Variants in TRAPPC2B observed in about 807,000 individuals in gnomAD.
TRAPPC2B encodes MBP-1 interacting protein-2A.
TRAPPC2B carries 5 observed loss-of-function variants against 8.4 expected under a neutral mutation model. The observed-to-expected ratio is 0.59, with a 90% CI of 0.31 to 1.25. TRAPPC2B has a LOEUF of 1.25. Ranked by LOEUF, TRAPPC2B falls within the 50% of genes most tolerant of loss-of-function variation. The pLI, the probability that TRAPPC2B is intolerant of heterozygous loss-of-function variation, is 0.06. For missense variants in TRAPPC2B, 161 were observed against 173.2 expected, an observed-to-expected ratio of 0.93 and a Z score of 0.40; for synonymous variants, 46 against 58.1, an observed-to-expected ratio of 0.79 and a Z score of 0.95.
rs754866724 is a variant in TRAPPC2B, at chr19:57,364,988, A to G, written c.155A>G (p.Asn52Ser). Residue 52 changes from asparagine to serine, a missense_variant, in exon 2 of 2, where the codon AAC becomes AGC. Physicochemically the swap from Asn to Ser is conservative, Grantham distance 46 (BLOSUM62 1). Coordinates refer to ENST00000543226, the MANE Select transcript of TRAPPC2B (RefSeq NM_001355204.2). The stretch of plus-strand genomic sequence containing the variant: ...GCTGCTCTCGACCTCGTAGATGAGA[A>G]CATGTGGCTGTCGAACAACATGTAC... ...AHAALDLVDE[N>S]MWLSNNMYLK... 2 of 1,613,058 alleles carry G rather than the reference A, an allele frequency of 1.2e-6. No individual in the cohort carries two copies. Among genetic ancestry groups the G allele is most frequent in the Non-Finnish European group, 1.7e-6 (2 of 1,179,162 alleles).
Position 57,365,093 on chromosome 19 carries a change from A to G in TRAPPC2B, c.260A>G (p.His87Arg), listed in dbSNP as rs756861103. 4.4e-6 allele frequency: 7 copies of G among 1,609,172 alleles called. No individual in the cohort carries two copies. The highest frequency in any genetic ancestry group is 3.4e-6 in the Non-Finnish European group (4 of 1,175,978). ...GGGCATATGAGGTTTATTATGCTTC[A>G]TGACATAAGACAAGAAGATGGAATA... ...TAGHMRFIML[H>R]DIRQEDGIKN... Residue 87 changes from histidine to arginine, a missense_variant, in exon 2 of 2, where the codon CAT becomes CGT. Physicochemically the swap from His to Arg is conservative, Grantham distance 29. Transcript: ENST00000543226.
At position 57,365,341 on chromosome 19, in the gene TRAPPC2B, C is replaced by G. The variant is rs1399334495; in HGVS notation, c.*85C>G. The G allele has an allele frequency of 2.1e-6, 2 of 949,162 alleles. No individual in the cohort carries two copies. The highest frequency in any genetic ancestry group is 3.2e-6 in the Non-Finnish European group (2 of 624,038). 58.8% of individuals were successfully genotyped at this position (949,162 alleles called of 1,614,324 possible). A position where few individuals can be genotyped will look rare whatever the true frequency, so the allele number is the denominator to read the frequency against. ...CATTGTAAATTACTTGATTAAATAG[C>G]CTGGAAATCTTTTGTGTATTCTCAG... On this transcript the variant is annotated 3_prime_UTR_variant, in exon 2 of 2. Transcript: ENST00000543226.
rs2088436851 is a variant in TRAPPC2B, at chr19:57,363,595, A to C, written c.-128A>C. ...ACACAGGCACAACTGACAGTGGCAG[A>C]AGCTCAGCTGACAAGGACTGGGGAC... On this transcript the variant is annotated 5_prime_UTR_variant, in exon 1 of 2. Coordinates refer to ENST00000543226, the MANE Select transcript of TRAPPC2B (RefSeq NM_001355204.2). 1 of 153,002 alleles carries C rather than the reference A, an allele frequency of 6.5e-6. No individual in the cohort carries two copies. The highest frequency in any genetic ancestry group is 1.8e-4 in the South Asian group (1 of 5,560). The allele number at this position is 153,002 out of a possible 1,614,324, so 9.5% of individuals were successfully genotyped here.
chr19:57,364,467 G>GTATCATTAAAAAA, intron 1 of TRAPPC2B: 21 of 259,554 alleles, frequency 8.1e-5, no homozygotes, highest in South Asian at 3.0e-4. Context: ...GGGTGGCCGG[G>GTATCATTAAAAAA]CGTGGTGGCT....
rs188847121 is a variant in TRAPPC2B, at chr19:57,364,971, C to T, written c.138C>T (p.Leu46=). The change falls in exon 2 of 2, where the codon CTC becomes CTT. Residue 46 remains leucine (L), a synonymous_variant. Transcript: ENST00000543226. ...HLNQFIAHAA[L]DLVDENMWLS... ...ACCAGTTCATAGCTCATGCTGCTCT[C>T]GACCTCGTAGATGAGAACATGTGGC... 55 of 1,612,956 alleles carry T rather than the reference C, an allele frequency of 3.4e-5. No homozygotes were observed. In the Admixed American group the frequency reaches 6.0e-4, roughly 18 times the overall value.
rs753598724 is a variant in TRAPPC2B at position 57,364,906 on chromosome 19, G to C, written c.73G>C (p.Ala25Pro). Residue 25 changes from alanine (A) to proline (P), a missense_variant, in exon 2 of 2, where the codon GCT (alanine) becomes CCT (proline). Coordinates refer to ENST00000543226, the MANE Select transcript of TRAPPC2B (RefSeq NM_001355204.2). ...AGTTTTTGAAATGGAGTTTTTGCCA[G>C]CTGGGAAGGCAGAATCCAAAGACGA... Reference protein sequence around the residue: ...NPVFEMEFLPAGKAESKDDHR... With the variant: ...NPVFEMEFLPPGKAESKDDHR... 1.9e-6 allele frequency: 3 copies of C among 1,612,444 alleles called. No individual in the cohort carries two copies. In the African/African-American group the frequency reaches 4.0e-5, roughly 22 times the overall value.
In TRAPPC2B at chr19:57,365,021, C is replaced by T. The variant is rs2088455148; in HGVS notation, c.188C>T (p.Thr63Ile). The change falls in exon 2 of 2, where the codon ACT becomes ATT. Residue 63 changes from threonine (T) to isoleucine (I), a missense_variant. Coordinates refer to ENST00000543226, the MANE Select transcript of TRAPPC2B (RefSeq NM_001355204.2). Reference sequence around the variant, plus strand: ...CTGTCGAACAACATGTACTTGAAAACTGTGGACAAGTTCAACGAGTGGTTT... The same window carrying T: ...CTGTCGAACAACATGTACTTGAAAATTGTGGACAAGTTCAACGAGTGGTTT... ...MWLSNNMYLKTVDKFNEWFVS... is the reference protein window; with the variant it reads ...MWLSNNMYLKIVDKFNEWFVS... The T allele has an allele frequency of 5.0e-6, 8 of 1,612,474 alleles. No individual in the cohort carries two copies. Among genetic ancestry groups the T allele is most frequent in the African/African-American group, 2.7e-5 (2 of 75,008 alleles).
At chr19:57,364,752 C>T in intron 1 of TRAPPC2B, 63 bp from the exon 2 acceptor site, 4 of 1,189,450 alleles carry the variant, frequency 3.4e-6, no homozygotes, top group South Asian at 1.3e-5. Flanking sequence ...AAAAAAGGTG[C>T]GGAGCGCGGG....
Position 57,365,370 on chromosome 19 carries a change from A to T in TRAPPC2B, c.*114A>T. 1 of 740,350 alleles carries T rather than the reference A, an allele frequency of 1.4e-6. No homozygotes were observed. The highest frequency in any genetic ancestry group is 2.9e-5 in the Admixed American group (1 of 34,718). The allele number at this position is 740,350 out of a possible 1,614,324, so 45.9% of individuals were successfully genotyped here. A position where few individuals can be genotyped will look rare whatever the true frequency, so the allele number is the denominator to read the frequency against. ...GAAATCTTTTGTGTATTCTCAGCTT[A>T]TCTAAACTTAATGAAATTTCTTTTA... On this transcript the variant is annotated 3_prime_UTR_variant, in exon 2 of 2. Coordinates refer to ENST00000543226, the MANE Select transcript of TRAPPC2B (RefSeq NM_001355204.2).
At position 57,364,817 on chromosome 19, in the gene TRAPPC2B, G is replaced by A. The variant is rs778395292; in HGVS notation, c.-17G>A. ...CCGTTGTCGGCCTCCCGCTGCAGGA[G>A]CCATATATTGAAGACCATGTCTGGA... On this transcript the variant is annotated splice_region_variant and 5_prime_UTR_variant, in exon 2 of 2. Transcript: ENST00000543226. The A allele has an allele frequency of 1.3e-6, 2 of 1,588,894 alleles. No homozygotes were observed. The highest frequency in any genetic ancestry group is 1.7e-6 in the Non-Finnish European group (2 of 1,162,744).
At chr19:57,364,159 A>T (rs1045008717) in intron 1 of TRAPPC2B, 1 of 153,554 alleles carries the variant, frequency 6.5e-6, no homozygotes, top group Non-Finnish European at 1.4e-5. Context: ...GGACAATGTG[A>T]TGGGATTCTG....
In TRAPPC2B at chr19:57,365,171, C is replaced by A. The variant is rs775281617; in HGVS notation, c.338C>A (p.Pro113Gln). ...TTATATATAAAATTTTCAATGAATC[C>A]ATTTTATGAACCCAATTCTCCTATT... ...YDLYIKFSMN[P>Q]FYEPNSPIRS... Residue 113 changes from proline (P) to glutamine (Q), a missense_variant, in exon 2 of 2, where the codon CCA (proline) becomes CAA (glutamine). Transcript: ENST00000543226. 1.7e-5 allele frequency: 27 copies of A among 1,593,720 alleles called. No individual in the cohort carries two copies. In the East Asian group the frequency reaches 3.4e-4, roughly 20 times the overall value.
chr19:57,365,102 G>A lies in TRAPPC2B; in HGVS notation c.269G>A (p.Arg90Lys). Residue 90 changes from arginine to lysine, a missense_variant, in exon 2 of 2, where the codon AGA (arginine) becomes AAA (lysine). Arg to Lys is a conservative substitution (Grantham distance 26). Coordinates refer to ENST00000543226, the MANE Select transcript of TRAPPC2B (RefSeq NM_001355204.2). ...HMRFIMLHDIRQEDGIKNFFT... is the reference protein window; with the variant it reads ...HMRFIMLHDIKQEDGIKNFFT... Reference sequence around the variant, plus strand: ...AGGTTTATTATGCTTCATGACATAAGACAAGAAGATGGAATAAAGAACTTC... The same window carrying A: ...AGGTTTATTATGCTTCATGACATAAAACAAGAAGATGGAATAAAGAACTTC... 1 of 1,609,254 alleles carries A rather than the reference G, an allele frequency of 6.2e-7. No homozygotes were observed. The highest frequency in any genetic ancestry group is 8.5e-7 in the Non-Finnish European group (1 of 1,176,268).
At position 57,365,043 on chromosome 19, in the gene TRAPPC2B, GT is replaced by G; in HGVS notation, c.213del (p.Phe71LeufsTer11). 1 of 1,611,976 alleles carries G rather than the reference GT, an allele frequency of 6.2e-7. No homozygotes were observed. On this transcript the variant is annotated frameshift_variant, in exon 2 of 2. Coordinates refer to ENST00000543226, the MANE Select transcript of TRAPPC2B (RefSeq NM_001355204.2). LOFTEE classifies it high-confidence loss of function. ...AAACTGTGGACAAGTTCAACGAGTG[GT>G]TTGTGTCAGCATTTGTCACCGCGGG... ...LKTVDKFNEW[F>X]VSAFVTAGHM... is the part of the protein sequence containing the mutation.
chr19:57,364,950 G>A lies in TRAPPC2B; in HGVS notation c.117G>A (p.Gln39=), dbSNP rs746189272. ...AAGACGACCATCGTCATCTGAACCA[G>A]TTCATAGCTCATGCTGCTCTCGACC... ...ESKDDHRHLN[Q]FIAHAALDLV... The change falls in exon 2 of 2, where the codon CAG becomes CAA. Residue 39 remains glutamine, a synonymous_variant. Coordinates refer to ENST00000543226, the MANE Select transcript of TRAPPC2B (RefSeq NM_001355204.2). The A allele has an allele frequency of 2.5e-6, 4 of 1,613,000 alleles. No homozygotes were observed. In the African/African-American group the frequency reaches 5.3e-5, roughly 22 times the overall value.
At chr19:57,363,815 G>C (rs971447094) in intron 1 of TRAPPC2B, 112 bp downstream of exon 1, 1 of 152,514 alleles carries the variant, frequency 6.6e-6, no homozygotes, top group African/African-American at 2.4e-5. Context: ...AGAGAGGGGC[G>C]TTCCTGTGTG....
Position 57,365,052 on chromosome 19 carries a change from A to T in TRAPPC2B, c.219A>T (p.Ser73=), listed in dbSNP as rs1043305. ...ACAAGTTCAACGAGTGGTTTGTGTC[A>T]GCATTTGTCACCGCGGGGCATATGA... ...TVDKFNEWFV[S]AFVTAGHMRF... Residue 73 remains serine, a synonymous_variant, in exon 2 of 2, where the codon TCA becomes TCT. Coordinates refer to ENST00000543226, the MANE Select transcript of TRAPPC2B (RefSeq NM_001355204.2). 1.2e-6 allele frequency: 2 copies of T among 1,611,824 alleles called. No individual in the cohort carries two copies. The highest frequency in any genetic ancestry group is 3.3e-5 in the Admixed American group (2 of 59,930).
Position 57,363,661 on chromosome 19 carries a change from C to A in TRAPPC2B, c.-62C>A. 6.5e-6 allele frequency: 1 copy of A among 153,388 alleles called. No homozygotes were observed. The highest frequency in any genetic ancestry group is 1.8e-4 in the South Asian group (1 of 5,676). The allele number at this position is 153,388 out of a possible 1,614,324, so 9.5% of individuals were successfully genotyped here. ...TTGCCTTTGTCGCCCCCGCCCCTCT[C>A]TTCCCTGGCTGGACTTGCGGAGTCC... On this transcript the variant is annotated 5_prime_UTR_variant, in exon 1 of 2. Transcript: ENST00000543226.
In TRAPPC2B at chr19:57,365,370, A is replaced by AT; in HGVS notation, c.*115dup. ...GAAATCTTTTGTGTATTCTCAGCTT[A>AT]TCTAAACTTAATGAAATTTCTTTTA... is the stretch of plus-strand genomic sequence containing the variant. On this transcript the variant is annotated 3_prime_UTR_variant, in exon 2 of 2. Coordinates refer to ENST00000543226, the MANE Select transcript of TRAPPC2B (RefSeq NM_001355204.2). 1.4e-6 allele frequency: 1 copy of AT among 740,350 alleles called. No individual in the cohort carries two copies. The highest frequency in any genetic ancestry group is 2.7e-5 in the East Asian group (1 of 36,800). The allele number at this position is 740,350 out of a possible 1,614,324, so 45.9% of individuals were successfully genotyped here.
Sources: allele counts gnomAD v4.1 joint callset, GRCh38; gene constraint gnomAD v4.1.1; transcripts MANE v1.5; gene names NCBI Gene and HGNC (gene_info 2026-07-23, HGNC 2026-07-21).